Variants in STX17 observed in about 807,000 individuals in gnomAD.
The protein encoded by STX17 is syntaxin 17.
STX17 carries 29 observed loss-of-function variants against 35.9 expected under a neutral mutation model. That is an observed-to-expected ratio of 0.81 (90% CI 0.60 to 1.10). The LOEUF (loss-of-function observed/expected upper bound fraction) is 1.10, where lower values mean the gene tolerates loss of function less well. Ranked by LOEUF, STX17 falls within the 50% of genes least tolerant of loss-of-function variation. STX17 has a pLI of 0.00. For missense variants in STX17, 312 were observed against 352.3 expected (o/e 0.89, Z 0.92); for synonymous variants, 92 against 118.3 (o/e 0.78, Z 1.44).
At chr9:99,927,222 AT>A (rs1426259804) in intron 2 of STX17, among the ~76,000 whole-genome samples, 3 of 152,120 alleles carry the variant, frequency 2.0e-5, no homozygotes, top group Non-Finnish European at 4.4e-5. Flanking sequence ...CTTAGTGTTA[AT>A]TTTTCTTAAA....
intron 2 of STX17, among the ~76,000 whole-genome samples, chr9:99,924,856 A>G (rs1452804945): frequency 6.6e-6 from 1 of 151,948 alleles, no homozygotes; most frequent in African/African-American, 2.4e-5. Flanking sequence ...CCTTCTTCCC[A>G]ATATTAGAGA....
At chr9:99,945,403 G>A (rs1370439144) in intron 3 of STX17, among the ~76,000 whole-genome samples, 1 of 151,966 alleles carries the variant, frequency 6.6e-6, no homozygotes, top group Non-Finnish European at 1.5e-5. Context: ...TTCTAATATT[G>A]CCGCAGCAGG....
chr9:99,920,294 G>A (rs931373505), intron 2 of STX17, among the ~76,000 whole-genome samples: 2 of 152,156 alleles, frequency 1.3e-5, no homozygotes, highest in African/African-American at 4.8e-5. Flanking sequence ...ATACAGATAT[G>A]CGTGGAAGGA....
Position 99,971,855 on chromosome 9 carries a change from G to T in STX17, c.*3182G>T, listed in dbSNP as rs1587947273. 6.6e-6 allele frequency among the ~76,000 whole-genome samples: 1 copy of T among 151,974 alleles called. No individual in the cohort carries two copies. Among genetic ancestry groups the T allele is most frequent in the Admixed American group, 6.5e-5 (1 of 15,274 alleles). Reference sequence around the variant, plus strand: ...GGGCAACATAGTGAGACTCTTGTCTGTATGAAAAAAATTAAGAATTAGCTG... The same window carrying T: ...GGGCAACATAGTGAGACTCTTGTCTTTATGAAAAAAATTAAGAATTAGCTG... On this transcript the variant is annotated 3_prime_UTR_variant, in exon 8 of 8. Transcript: ENST00000259400.
At position 99,970,402 on chromosome 9, in the gene STX17, T is replaced by C. The variant is rs1047997875; in HGVS notation, c.*1729T>C. On this transcript the variant is annotated 3_prime_UTR_variant, in exon 8 of 8. Coordinates refer to ENST00000259400, the MANE Select transcript of STX17 (RefSeq NM_017919.3). ...TAATAATACCAAGAAGGAAATACTT[T>C]GAATAAGTGTCAGATTCTGATCCAG... 2 of 152,212 alleles carry C rather than the reference T, an allele frequency of 1.3e-5. No individual in the cohort carries two copies. Among genetic ancestry groups the C allele is most frequent in the African/African-American group, 4.8e-5 (2 of 41,450 alleles). 9.4% of individuals were successfully genotyped at this position (152,212 alleles called of 1,614,324 possible).
intron 3 of STX17, among the ~76,000 whole-genome samples, chr9:99,931,490 G>C (rs1829121923): frequency 7.8e-6 from 1 of 128,908 alleles, no homozygotes; most frequent in African/African-American, 3.2e-5. Flanking sequence ...TTCTCATTTT[G>C]CTCTTTTTTT....
At chr9:99,938,350 A>G (rs1412353513) in intron 3 of STX17, among the ~76,000 whole-genome samples, 1 of 152,234 alleles carries the variant, frequency 6.6e-6, no homozygotes, top group Non-Finnish European at 1.5e-5. Flanking sequence ...CAAATATAGT[A>G]TACTTAACAA....
intron 2 of STX17, among the ~76,000 whole-genome samples, chr9:99,922,226 G>A (rs570806584): frequency 6.6e-6 from 1 of 152,238 alleles, no homozygotes; most frequent in Admixed American, 6.5e-5. Context: ...GGTCATCAAA[G>A]ATTTCCTTTT....
chr9:99,948,821 G>A (rs141717229), intron 3 of STX17, among the ~76,000 whole-genome samples: 5 of 152,172 alleles, frequency 3.3e-5, no homozygotes, highest in Non-Finnish European at 7.4e-5. Flanking sequence ...GCTGGATACT[G>A]TAATTTGACT....
rs192017772 is a variant in STX17 at position 99,944,112 on chromosome 9, A to G, written c.190-6948A>G. 2.4e-3 allele frequency among the ~76,000 whole-genome samples: 367 copies of G among 152,022 alleles called. 5 individuals carry two copies. The highest frequency in any genetic ancestry group is 4.6e-4 in the Non-Finnish European group (31 of 67,980). Reference sequence around the variant, plus strand: ...ATTTATTGGCATACATTTTTTCAGAATATTTTATTTTTTAATTCTGCAAGA... The same window carrying G: ...ATTTATTGGCATACATTTTTTCAGAGTATTTTATTTTTTAATTCTGCAAGA... On this transcript the variant is annotated intron_variant, in intron 3 of 7. Transcript: ENST00000259400.
chr9:99,967,305 TC>T (rs1220987893), intron 6 of STX17: 5 of 167,852 alleles, frequency 3.0e-5, no homozygotes, highest in Non-Finnish European at 1.3e-5. Context: ...GTTTTTTTTT[TC>T]CATCAAACCC....
chr9:99,947,667 C>T (rs1022163527), intron 3 of STX17, among the ~76,000 whole-genome samples: 2 of 152,152 alleles, frequency 1.3e-5, no homozygotes, highest in Admixed American at 6.6e-5. Context: ...GACTGGAGGC[C>T]AGTCTGTAGT....
chr9:99,909,552 A>G (rs1481692176), intron 1 of STX17, among the ~76,000 whole-genome samples: 3 of 152,236 alleles, frequency 2.0e-5, no homozygotes, highest in African/African-American at 7.2e-5. Context: ...TAGACAAATA[A>G]TTGATACATT....
intron 6 of STX17, among the ~76,000 whole-genome samples, chr9:99,966,925 A>G (rs903163398): frequency 3.9e-5 from 6 of 152,242 alleles, no homozygotes; most frequent in Admixed American, 3.3e-4. Flanking sequence ...GATGACCTCA[A>G]CATTCCTTCT....
intron 3 of STX17, among the ~76,000 whole-genome samples, chr9:99,940,306 T>C (rs1192653153): frequency 6.6e-6 from 1 of 151,524 alleles, no homozygotes; most frequent in Non-Finnish European, 1.5e-5. Context: ...AATTTTTGTA[T>C]TTTTAATAAA....
intron 3 of STX17, among the ~76,000 whole-genome samples, chr9:99,930,651 C>G (rs1283439192): frequency 6.6e-6 from 1 of 152,186 alleles, no homozygotes; most frequent in Non-Finnish European, 1.5e-5. Flanking sequence ...TTGTGCAGCT[C>G]CTGTTCTGGG....
intron 6 of STX17, among the ~76,000 whole-genome samples, chr9:99,966,564 G>T (rs1829915718): frequency 6.6e-6 from 1 of 152,028 alleles, no homozygotes; most frequent in Non-Finnish European, 1.5e-5. Context: ...CTCATTGCAG[G>T]TGGCATCTAT....
At position 99,972,963 on chromosome 9, in the gene STX17, A is replaced by G. The variant is rs1415361538; in HGVS notation, c.*4290A>G. ...CTTAAGTAATCAGAGGCCTAATAAA[A>G]GGCAGGGGAGTTTCTCTTCTAGCCT... On this transcript the variant is annotated 3_prime_UTR_variant, in exon 8 of 8. Transcript: ENST00000259400. 2.0e-5 allele frequency among the ~76,000 whole-genome samples: 3 copies of G among 152,212 alleles called. No homozygotes were observed. The highest frequency in any genetic ancestry group is 4.8e-5 in the African/African-American group (2 of 41,444).
intron 4 of STX17, among the ~76,000 whole-genome samples, chr9:99,953,148 T>A (rs950773049): frequency 6.6e-6 from 1 of 152,064 alleles, no homozygotes; most frequent in Non-Finnish European, 1.5e-5. Flanking sequence ...AGATTATTTT[T>A]AATTTTATAT....
Sources: allele counts gnomAD v4.1 joint callset (sites outside exome capture counted in the v4.1 genomes callset), GRCh38; gene constraint gnomAD v4.1.1; transcripts MANE v1.5; gene names NCBI Gene and HGNC (gene_info 2026-07-23, HGNC 2026-07-21).